The following PGBD1 variants were observed in gnomAD, a reference collection of about 807,000 sequenced individuals.
PGBD1 encodes the protein piggyBac transposable element derived 1.
A neutral mutation model predicts 34.7 loss-of-function variants in PGBD1; 25 were observed. The observed-to-expected ratio is 0.72, with a 90% CI of 0.52 to 1.00. PGBD1 has a LOEUF of 1.00. PGBD1 is among the 50% of genes least tolerant of loss of function. PGBD1 has a pLI of 0.00. For synonymous variants in PGBD1, 292 were observed against 335.7 expected, an observed-to-expected ratio of 0.87 and a Z score of 1.42; for missense variants, 830 against 959.4, an observed-to-expected ratio of 0.87 and a Z score of 1.78.
rs1762790663 is a variant in PGBD1, at chr6:28,300,454, A to G, written c.870-270A>G. On this transcript the variant is annotated intron_variant, in intron 6 of 6. Coordinates refer to ENST00000682144, the MANE Select transcript of PGBD1 (RefSeq NM_032507.4). The surrounding 1 kb of genome is among the most constrained non-coding windows in gnomAD (Gnocchi z 4.0). Reference sequence around the variant, plus strand: ...ATGGGATGTCTGCATCCTGCTCCTAAAGAGGACAGAGGGAGGAGTGTACCA... The same window carrying G: ...ATGGGATGTCTGCATCCTGCTCCTAGAGAGGACAGAGGGAGGAGTGTACCA... Among the ~76,000 whole-genome samples the G allele has an allele frequency of 6.6e-6, 1 of 152,194 alleles. No individual in the cohort carries two copies.
At chr6:28,296,996 C>G in intron 5 of PGBD1, 51 bp downstream of exon 5, 1 of 1,608,216 alleles carries the variant, frequency 6.2e-7, no homozygotes, top group Non-Finnish European at 8.5e-7. Context: ...ATTTTCCTGT[C>G]ACTCACCCTG....
intron 4 of PGBD1, among the ~76,000 whole-genome samples, chr6:28,294,745 G>T (rs1163983870): frequency 1.3e-5 from 2 of 152,154 alleles, no homozygotes; most frequent in African/African-American, 2.4e-5. Context: ...AAGAAAAAAA[G>T]ATTTCTTTGA....
chr6:28,287,173 G>GT lies in PGBD1; in HGVS notation c.642+6dup. ...TTTAACCCAGTCAGGTCCCAGGTAA[G>GT]TAGGATGCCCAAGCTTGTAGGAATA... On this transcript the variant is annotated splice_donor_region_variant and intron_variant, in intron 4 of 6. Coordinates refer to ENST00000682144, the MANE Select transcript of PGBD1 (RefSeq NM_032507.4). 6.2e-7 allele frequency: 1 copy of GT among 1,604,430 alleles called. No individual in the cohort carries two copies. The highest frequency in any genetic ancestry group is 1.1e-5 in the South Asian group (1 of 90,908).
chr6:28,297,845 T>TTTAAAAATAA, intron 5 of PGBD1, 50 bp from the exon 6 acceptor site: 1 of 283,634 alleles, frequency 3.5e-6, no homozygotes, highest in Non-Finnish European at 6.6e-6. Flanking sequence ...TTTTTTTTTT[T>TTTAAAAATAA]CAAAATTCAC....
chr6:28,288,126 G>T (rs1354723874), intron 4 of PGBD1, among the ~76,000 whole-genome samples: 1 of 152,136 alleles, frequency 6.6e-6, no homozygotes, highest in Non-Finnish European at 1.5e-5. Flanking sequence ...ACAGTGAAAT[G>T]AAACTAGTAT....
Position 28,283,725 on chromosome 6 carries a change from T to C in PGBD1, c.-38-51T>C, listed in dbSNP as rs1165191843. 18 of 1,454,346 alleles carry C rather than the reference T, an allele frequency of 1.2e-5. No homozygotes were observed. In the Admixed American group the frequency reaches 3.4e-4, roughly 28 times the overall value. 90.1% of individuals were successfully genotyped at this position (1,454,346 alleles called of 1,614,324 possible). A position where few individuals can be genotyped will look rare whatever the true frequency, so the allele number is the denominator to read the frequency against. ...ATACAGTTTTGAAGCTCTTATAATTTGCATGTTGCTGATAAATTCTTATGC... is the reference window on the plus strand; with the variant it reads ...ATACAGTTTTGAAGCTCTTATAATTCGCATGTTGCTGATAAATTCTTATGC... On this transcript the variant is annotated intron_variant, in intron 1 of 6. Coordinates refer to ENST00000682144, the MANE Select transcript of PGBD1 (RefSeq NM_032507.4).
At position 28,301,926 on chromosome 6, in the gene PGBD1, G is replaced by T; in HGVS notation, c.2072G>T (p.Gly691Val). 1 of 1,614,140 alleles carries T rather than the reference G, an allele frequency of 6.2e-7. No individual in the cohort carries two copies. The highest frequency in any genetic ancestry group is 1.3e-5 in the African/African-American group (1 of 75,038). Reference protein sequence around the residue: ...NNEIILCRWYGDGIISLCSNA... With the variant: ...NNEIILCRWYVDGIISLCSNA... ...GAGATAATTTTGTGTCGTTGGTATG[G>T]GGATGGCATTATCAGTCTGTGCTCC... The change falls in exon 7 of 7, where the codon GGG (glycine) becomes GTG (valine). Residue 691 changes from glycine (G) to valine (V), a missense_variant. This residue lies in a region of PGBD1 where 372 missense variants were observed against 427.9 expected (regional missense o/e 0.87). Transcript: ENST00000682144.
intron 3 of PGBD1, 136 bp downstream of exon 3, chr6:28,285,843 A>G: frequency 1.1e-6 from 1 of 884,864 alleles, no homozygotes. Context: ...GTTACCTTTT[A>G]TGTGTCTGTG....
intron 4 of PGBD1, 49 bp from the exon 5 acceptor site, chr6:28,296,767 C>A: frequency 6.2e-7 from 1 of 1,605,634 alleles, no homozygotes; most frequent in South Asian, 1.1e-5. Flanking sequence ...CAACTGGATT[C>A]CTTACCATGT....
intron 4 of PGBD1, among the ~76,000 whole-genome samples, chr6:28,288,178 T>G (rs1326167663): frequency 1.3e-5 from 2 of 152,172 alleles, no homozygotes; most frequent in Non-Finnish European, 2.9e-5. Flanking sequence ...AGTGGGGCCC[T>G]TAATTGAAGT....
At chr6:28,285,945 C>T (rs1762274682) in intron 3 of PGBD1, among the ~76,000 whole-genome samples, 1 of 152,204 alleles carries the variant, frequency 6.6e-6, no homozygotes, top group Non-Finnish European at 1.5e-5. Flanking sequence ...CGTAGGTCTT[C>T]AGAGCTTATT....
rs138163820 is a variant in PGBD1 at position 28,296,941 on chromosome 6, G to A, written c.768G>A (p.Pro256=). The part of the protein sequence containing the change: ...SAQETVMSLS[P]MTEEIVTKDR... ...AGGAGACAGTTATGAGCCTCAGTCC[G>A]ATGAGTAAGGCCAGGCCTCTGGCTG... The change falls in exon 5 of 7, where the codon CCG becomes CCA. Residue 256 remains proline (P), a synonymous_variant. Coordinates refer to ENST00000682144, the MANE Select transcript of PGBD1 (RefSeq NM_032507.4). 80 of 1,613,840 alleles carry A rather than the reference G, an allele frequency of 5.0e-5. No individual in the cohort carries two copies. Among genetic ancestry groups the A allele is most frequent in the South Asian group, 3.3e-4 (30 of 91,074 alleles).
chr6:28,283,703 C>A, intron 1 of PGBD1, 73 bp from the exon 2 acceptor site: 1 of 1,358,706 alleles, frequency 7.4e-7, no homozygotes, highest in Non-Finnish European at 9.9e-7. Flanking sequence ...AGGTTACATA[C>A]AGTTTTGAAG....
rs922227149 is a variant in PGBD1, at chr6:28,284,704, G to A, written c.396+495G>A. On this transcript the variant is annotated intron_variant, in intron 2 of 6. Transcript: ENST00000682144. Reference sequence around the variant, plus strand: ...TAATTTATTTTTAATTTTTTGTAGCGGGGGTGGGGTCTCACTATATTGCCC... The same window carrying A: ...TAATTTATTTTTAATTTTTTGTAGCAGGGGTGGGGTCTCACTATATTGCCC... 5.3e-5 allele frequency among the ~76,000 whole-genome samples: 8 copies of A among 151,996 alleles called. No individual in the cohort carries two copies. In the South Asian group the frequency reaches 1.0e-3, roughly 20 times the overall value.
At chr6:28,288,621 C>G (rs991041361) in intron 4 of PGBD1, among the ~76,000 whole-genome samples, 1 of 151,822 alleles carries the variant, frequency 6.6e-6, no homozygotes, top group Non-Finnish European at 1.5e-5. Context: ...TTTGGGAGGC[C>G]ATGGCAGGAG....
At position 28,302,376 on chromosome 6, in the gene PGBD1, AT is replaced by A. The variant is rs1156327204; in HGVS notation, c.*93del. 2.5e-5 allele frequency: 31 copies of A among 1,253,610 alleles called. No individual in the cohort carries two copies. The highest frequency in any genetic ancestry group is 3.4e-5 in the Non-Finnish European group (31 of 913,256). The allele number at this position is 1,253,610 out of a possible 1,614,324, so 77.7% of individuals were successfully genotyped here. Reference sequence around the variant, plus strand: ...TGTACCCTCCCAAAGTAAATCTGATATATGTAATGAAGTTATTAAATAATAC... The same window carrying A: ...TGTACCCTCCCAAAGTAAATCTGATAATGTAATGAAGTTATTAAATAATAC... On this transcript the variant is annotated 3_prime_UTR_variant, in exon 7 of 7. Coordinates refer to ENST00000682144, the MANE Select transcript of PGBD1 (RefSeq NM_032507.4).
At chr6:28,291,108 T>A (rs1263812018) in intron 4 of PGBD1, among the ~76,000 whole-genome samples, 8 of 55,594 alleles carry the variant, frequency 1.4e-4, no homozygotes, top group South Asian at 4.4e-4. Flanking sequence ...AGAACAGAAA[T>A]AACTGAAATT....
chr6:28,290,011 A>G (rs1163035530), intron 4 of PGBD1, among the ~76,000 whole-genome samples: 7 of 152,218 alleles, frequency 4.6e-5, no homozygotes, highest in Non-Finnish European at 8.8e-5. Context: ...CATGATAACT[A>G]CAATGCAAAA....
intron 4 of PGBD1, among the ~76,000 whole-genome samples, chr6:28,296,059 A>G (rs1018773089): frequency 5.9e-5 from 9 of 152,218 alleles, no homozygotes; most frequent in Non-Finnish European, 7.4e-5. Context: ...TAATGAAACC[A>G]TGTGGTAGCC....
Sources: gnomAD v4.1 joint callset for allele counts (sites outside exome capture counted in the v4.1 genomes callset) on GRCh38, gnomAD v4.1.1 for gene constraint, gnomAD v4.1.1 regional missense constraint, Gnocchi (gnomAD v3.1) non-coding constraint, MANE v1.5 for transcripts, NCBI Gene and HGNC (gene_info 2026-07-23, HGNC 2026-07-21) for gene names.